CHST11: variants seen among roughly 807,000 people sequenced by gnomAD.
CHST11 encodes the protein C4S-1.
CHST11 carries 9 observed loss-of-function variants against 30.4 expected under a neutral mutation model. That is an observed-to-expected ratio of 0.30 (90% CI 0.18 to 0.52). CHST11 has a LOEUF of 0.52. Ranked by LOEUF, CHST11 falls within the 20% of genes least tolerant of loss-of-function variation. The probability of loss-of-function intolerance (pLI) is 0.97; values close to 1 mark genes in which losing one functional copy is unlikely to be tolerated. For missense variants in CHST11, 348 were observed against 460.6 expected (o/e 0.76, Z 2.24); for synonymous variants, 152 against 187.8 (o/e 0.81, Z 1.56).
intron 2 of CHST11, among the ~76,000 whole-genome samples, chr12:104,695,706 A>AGAG (rs1476628221): frequency 2.0e-5 from 3 of 152,176 alleles, no homozygotes; most frequent in African/African-American, 7.2e-5. Flanking sequence ...CTGTGACCAC[A>AGAG]GAGCTCTTTG....
chr12:104,469,801 C>T (rs563790161), intron 1 of CHST11, among the ~76,000 whole-genome samples: 49 of 152,284 alleles, frequency 3.2e-4, no homozygotes, highest in African/African-American at 8.9e-4. Context: ...GGGCTAGGCC[C>T]GGCATTCTTC....
chr12:104,756,860 G>T (rs766137186), intron 2 of CHST11, 89 bp from the exon 3 acceptor site: 5 of 1,462,836 alleles, frequency 3.4e-6, no homozygotes, highest in African/African-American at 1.4e-5. Context: ...ATATGTGTTT[G>T]AACGGGTGGA....
At chr12:104,726,274 C>G (rs886126167) in intron 2 of CHST11, among the ~76,000 whole-genome samples, 1 of 152,138 alleles carries the variant, frequency 6.6e-6, no homozygotes, top group Non-Finnish European at 1.5e-5. Flanking sequence ...TTCTGACAGA[C>G]CTTGTCAAAA....
In CHST11 at chr12:104,484,369, A is replaced by T. The variant is rs61028236; in HGVS notation, c.118+26840A>T. 7.4e-3 allele frequency among the ~76,000 whole-genome samples: 1,125 copies of T among 152,310 alleles called. 14 individuals carry two copies. The highest frequency in any genetic ancestry group is 0.025 in the African/African-American group (1,041 of 41,578). ...CATTAAGAACCCCAGTTAACCCAGA[A>T]TTTCTTAAACTTACACAACCACAGA... On this transcript the variant is annotated intron_variant, in intron 1 of 2. Coordinates refer to ENST00000303694, the MANE Select transcript of CHST11 (RefSeq NM_018413.6).
intron 2 of CHST11, among the ~76,000 whole-genome samples, chr12:104,614,820 AG>A (rs2039094336): frequency 6.6e-6 from 1 of 151,832 alleles, no homozygotes; most frequent in Admixed American, 6.6e-5. Flanking sequence ...CCAAGGTGAG[AG>A]GGGAGATGGG....
At chr12:104,543,533 T>C (rs1460493503) in intron 1 of CHST11, among the ~76,000 whole-genome samples, 1 of 152,172 alleles carries the variant, frequency 6.6e-6, no homozygotes, top group Non-Finnish European at 1.5e-5. Context: ...CAGAGAAATG[T>C]GGTGTTTTCC....
chr12:104,739,275 T>G (rs893189322), intron 2 of CHST11, among the ~76,000 whole-genome samples: 2 of 152,212 alleles, frequency 1.3e-5, no homozygotes, highest in African/African-American at 4.8e-5. Context: ...TCTCCCTCCT[T>G]GTCAGCAGCT....
intron 2 of CHST11, among the ~76,000 whole-genome samples, chr12:104,641,936 G>T (rs1252217874): frequency 6.6e-6 from 1 of 152,160 alleles, no homozygotes; most frequent in African/African-American, 2.4e-5. Flanking sequence ...CCACCCCAGG[G>T]AGGACATTTG....
At position 104,635,438 on chromosome 12, in the gene CHST11, G is replaced by A. The variant is rs77670801; in HGVS notation, c.204+33447G>A. Among the ~76,000 whole-genome samples, 367 of 152,302 alleles carry A rather than the reference G, an allele frequency of 2.4e-3. 3 individuals are homozygous for A. Among genetic ancestry groups the A allele is most frequent in the African/African-American group, 8.5e-3 (355 of 41,572 alleles). On this transcript the variant is annotated intron_variant, in intron 2 of 2. Coordinates refer to ENST00000303694, the MANE Select transcript of CHST11 (RefSeq NM_018413.6). ...CCCAGACCCTTAAGAAGATGTAATT[G>A]CCGGTTGTCTTACAAGCAGTCATCT...
At chr12:104,508,505 A>G (rs2037929553) in intron 1 of CHST11, among the ~76,000 whole-genome samples, 1 of 152,236 alleles carries the variant, frequency 6.6e-6, no homozygotes, top group South Asian at 2.1e-4. Flanking sequence ...CTGTTGAAGC[A>G]AGGGTGTGCA....
chr12:104,702,576 T>C (rs1362596895), intron 2 of CHST11, among the ~76,000 whole-genome samples: 1 of 152,050 alleles, frequency 6.6e-6, no homozygotes, highest in Non-Finnish European at 1.5e-5. Flanking sequence ...ACCCAGCTGA[T>C]TCCTCACAGT....
intron 1 of CHST11, among the ~76,000 whole-genome samples, chr12:104,536,275 C>G (rs1205174382): frequency 2.0e-5 from 3 of 151,388 alleles, no homozygotes; most frequent in Non-Finnish European, 4.4e-5. Context: ...TACTTTAAGT[C>G]TGGTGTTTAT....
intron 2 of CHST11, among the ~76,000 whole-genome samples, chr12:104,706,445 G>GGTGA (rs1311493317): frequency 2.4e-5 from 3 of 126,152 alleles, no homozygotes; most frequent in African/African-American, 8.7e-5. Context: ...TGGGTGGGTG[G>GGTGA]GTGAGTGGAT....
intron 1 of CHST11, among the ~76,000 whole-genome samples, chr12:104,474,351 G>A (rs1351391994): frequency 6.6e-6 from 1 of 152,208 alleles, no homozygotes; most frequent in Non-Finnish European, 1.5e-5. Flanking sequence ...GGGAGAGTGT[G>A]AGCCATCATC....
chr12:104,630,130 G>C (rs755681679), intron 2 of CHST11, among the ~76,000 whole-genome samples: 1 of 151,926 alleles, frequency 6.6e-6, no homozygotes, highest in Non-Finnish European at 1.5e-5. Flanking sequence ...AAATCCCTTC[G>C]CCCTTGCTGT....
At chr12:104,665,407 T>A (rs1256112723) in intron 2 of CHST11, among the ~76,000 whole-genome samples, 1 of 152,166 alleles carries the variant, frequency 6.6e-6, no homozygotes, top group Non-Finnish European at 1.5e-5. Context: ...CAGAAAGTCT[T>A]GTTTCAAACT....
At chr12:104,720,622 G>T (rs754049378) in intron 2 of CHST11, among the ~76,000 whole-genome samples, 1 of 152,170 alleles carries the variant, frequency 6.6e-6, no homozygotes, top group East Asian at 1.9e-4. Context: ...GACGTGCTGC[G>T]GTCGGCAGCC....
chr12:104,709,688 T>C (rs1281694846), intron 2 of CHST11, among the ~76,000 whole-genome samples: 1 of 152,114 alleles, frequency 6.6e-6, no homozygotes, highest in Non-Finnish European at 1.5e-5. Context: ...CTGCGGTCCA[T>C]TTCTATGAAA....
chr12:104,550,112 G>C (rs545373236), intron 1 of CHST11, among the ~76,000 whole-genome samples: 101 of 152,264 alleles, frequency 6.6e-4, no homozygotes, highest in African/African-American at 2.3e-3. Context: ...CCTTGTGGCT[G>C]TGCCGAGTTG....
Sources: gnomAD v4.1 joint callset for allele counts (sites outside exome capture counted in the v4.1 genomes callset) on GRCh38, gnomAD v4.1.1 for gene constraint, MANE v1.5 for transcripts, NCBI Gene and HGNC (gene_info 2026-07-23, HGNC 2026-07-21) for gene names.